The following NSRP1 variants were observed in gnomAD, a reference collection of about 807,000 sequenced individuals.
NSRP1 encodes the protein nuclear speckle splicing regulatory protein 1.
A neutral mutation model predicts 54.7 loss-of-function variants in NSRP1; 24 were observed. The observed-to-expected ratio is 0.44, with a 90% CI of 0.32 to 0.62. NSRP1 has a LOEUF of 0.62. Ranked by LOEUF, NSRP1 falls within the 20% of genes least tolerant of loss-of-function variation. The pLI, the probability that NSRP1 is intolerant of heterozygous loss-of-function variation, is 0.06. For synonymous variants in NSRP1, 210 were observed against 213.8 expected, an observed-to-expected ratio of 0.98 and a Z score of 0.15; for missense variants, 596 against 651.2, an observed-to-expected ratio of 0.92 and a Z score of 0.92.
intron 2 of NSRP1, among the ~76,000 whole-genome samples, chr17:30,138,909 GTTTT>G (rs964449971): frequency 1.7e-5 from 1 of 58,188 alleles, no homozygotes; most frequent in Non-Finnish European, 3.2e-5. Flanking sequence ...AAGTCTTAGC[GTTTT>G]TTTTTTTTTT....
At chr17:30,129,346 AGT>A (rs1204790887) in intron 2 of NSRP1, among the ~76,000 whole-genome samples, 1 of 151,980 alleles carries the variant, frequency 6.6e-6, no homozygotes, top group Non-Finnish European at 1.5e-5. Flanking sequence ...TTAGCATGGT[AGT>A]GTGAGTTTTT....
chr17:30,129,421 A>G (rs2071680291), intron 2 of NSRP1, among the ~76,000 whole-genome samples: 1 of 152,060 alleles, frequency 6.6e-6, no homozygotes, highest in Non-Finnish European at 1.5e-5. Context: ...AGTGCTTAAA[A>G]AAAAAAAGAT....
At chr17:30,162,386 T>C (rs180923834) in intron 2 of NSRP1, among the ~76,000 whole-genome samples, 1 of 152,324 alleles carries the variant, frequency 6.6e-6, no homozygotes, top group Admixed American at 6.5e-5. Flanking sequence ...TGAGCTTATA[T>C]TACATAATGA....
intron 2 of NSRP1, among the ~76,000 whole-genome samples, chr17:30,170,158 T>C (rs533452685): frequency 6.6e-6 from 1 of 152,232 alleles, no homozygotes; most frequent in Non-Finnish European, 1.5e-5. Context: ...AATTCATGCT[T>C]TTATACAATT....
chr17:30,133,959 A>C (rs552805468), intron 2 of NSRP1, among the ~76,000 whole-genome samples: 1 of 152,254 alleles, frequency 6.6e-6, no homozygotes, highest in African/African-American at 2.4e-5. Flanking sequence ...CCTAGCTTTC[A>C]GCCTGTCTCG....
chr17:30,137,041 T>C (rs1191698614), intron 2 of NSRP1, among the ~76,000 whole-genome samples: 1 of 152,202 alleles, frequency 6.6e-6, no homozygotes, highest in Non-Finnish European at 1.5e-5. Context: ...TAATTTTTTT[T>C]CTGGTCTAAT....
At chr17:30,151,698 G>A (rs1411375045) in intron 2 of NSRP1, among the ~76,000 whole-genome samples, 2 of 151,156 alleles carry the variant, frequency 1.3e-5, no homozygotes, top group Non-Finnish European at 2.9e-5. Flanking sequence ...CTACATATAG[G>A]TGTGCCCATG....
rs1383144866 is a variant in NSRP1, at chr17:30,179,161, G to C, written c.372G>C (p.Lys124Asn). 1.2e-6 allele frequency: 2 copies of C among 1,607,158 alleles called. No homozygotes were observed. The highest frequency in any genetic ancestry group is 3.4e-5 in the Admixed American group (2 of 59,384). Reference sequence around the variant, plus strand: ...AGGAACAGGAAAAAAGAATGGAAAAGAAAATACAGAGAGAACGAGAAATGG... The same window carrying C: ...AGGAACAGGAAAAAAGAATGGAAAACAAAATACAGAGAGAACGAGAAATGG... ...RKKEQEKRME[K>N]KIQREREMEK... Residue 124 changes from lysine to asparagine, a missense_variant, in exon 5 of 7, where the codon AAG becomes AAC. Coordinates refer to ENST00000247026, the MANE Select transcript of NSRP1 (RefSeq NM_032141.4).
At chr17:30,119,746 A>G (rs866022606) in intron 2 of NSRP1, among the ~76,000 whole-genome samples, 2 of 151,954 alleles carry the variant, frequency 1.3e-5, no homozygotes, top group African/African-American at 4.8e-5. Context: ...CAGATGATCC[A>G]CCCACCTTGG....
chr17:30,117,758 TG>T (rs1455663908), intron 1 of NSRP1, among the ~76,000 whole-genome samples: 2,718 of 133,372 alleles, frequency 0.02, 69 homozygotes, highest in African/African-American at 0.093. Flanking sequence ...CCACTACACA[TG>T]TTTTTTTTTT....
chr17:30,149,637 C>T (rs116752767), intron 2 of NSRP1, among the ~76,000 whole-genome samples: 3 of 151,526 alleles, frequency 2.0e-5, no homozygotes, highest in African/African-American at 7.3e-5. Flanking sequence ...TCAAGACTAG[C>T]GGGGGAAACA....
intron 2 of NSRP1, among the ~76,000 whole-genome samples, chr17:30,135,883 A>G (rs186232198): frequency 2.6e-5 from 4 of 151,856 alleles, no homozygotes; most frequent in East Asian, 1.9e-4. Flanking sequence ...TGCTTATTTT[A>G]TTTTATTTCA....
chr17:30,121,590 C>T (rs1187169430), intron 2 of NSRP1, among the ~76,000 whole-genome samples: 4 of 136,284 alleles, frequency 2.9e-5, no homozygotes, highest in African/African-American at 5.7e-5. Context: ...TTTTTTGAGA[C>T]GGAGTCTCTG....
intron 2 of NSRP1, among the ~76,000 whole-genome samples, chr17:30,151,613 T>C (rs1316134591): frequency 3.3e-5 from 5 of 152,154 alleles, no homozygotes; most frequent in African/African-American, 7.2e-5. Context: ...TTACTGTTTC[T>C]GAGTGCCAGA....
intron 1 of NSRP1, among the ~76,000 whole-genome samples, chr17:30,117,765 T>G (rs1001786237): frequency 4.6e-5 from 7 of 152,136 alleles, no homozygotes; most frequent in Admixed American, 3.3e-4. Context: ...ACATGTTTTT[T>G]TTTTTTTTTT....
At chr17:30,163,223 GTGTGTGTGTGTGTGTGTGTGTGTGTT>G (rs1045604455) in intron 2 of NSRP1, 4 of 146,666 alleles carry the variant, frequency 2.7e-5, no homozygotes, top group African/African-American at 1.1e-4. Flanking sequence ...GTGTGTGTGT[GTGTGTGTGTGTGTGTGTGTGTGTGTT>G]TTTAGTAGAG....
rs1321947169 is a variant in NSRP1, at chr17:30,116,861, G to A, written c.18G>A (p.Arg6=). ...GGAGCAAGATGGCGATTCCGGGCAG[G>A]CAGTGAGTGATCCGGGAGTTAGGGT... MAIPG[R]QYGLILPKKT... The change falls in exon 1 of 7, where the codon AGG becomes AGA. Residue 6 remains arginine (R), a splice_region_variant and synonymous_variant. Transcript: ENST00000247026. 6.3e-7 allele frequency: 1 copy of A among 1,575,276 alleles called. No individual in the cohort carries two copies. Among genetic ancestry groups the A allele is most frequent in the South Asian group, 1.2e-5 (1 of 85,852 alleles).
intron 2 of NSRP1, among the ~76,000 whole-genome samples, chr17:30,155,642 C>G (rs2071954883): frequency 1.3e-5 from 2 of 152,076 alleles, no homozygotes. Context: ...CTGCTGGGCT[C>G]AAGTGATCCT....
chr17:30,117,139 C>A, intron 1 of NSRP1: 1 of 731,948 alleles, frequency 1.4e-6, no homozygotes, highest in South Asian at 1.5e-5. Flanking sequence ...AAAGCTCGGT[C>A]TGAGGCCCCT....
Sources: allele counts gnomAD v4.1 joint callset (sites outside exome capture counted in the v4.1 genomes callset), GRCh38; gene constraint gnomAD v4.1.1; transcripts MANE v1.5; gene names NCBI Gene and HGNC (gene_info 2026-07-23, HGNC 2026-07-21).